The following BNC2 variants were observed in gnomAD, a reference collection of about 807,000 sequenced individuals.
BNC2 encodes the protein zinc finger protein basonuclin-2.
In BNC2, 20 loss-of-function variants were observed where a neutral mutation model predicts 76.3. That is an observed-to-expected ratio of 0.26 (90% CI 0.18 to 0.38). BNC2 has a LOEUF of 0.38. BNC2 is among the 10% of genes least tolerant of loss of function. The probability of loss-of-function intolerance (pLI) is 1.00; values close to 1 mark genes in which losing one functional copy is unlikely to be tolerated. For synonymous variants in BNC2, 582 were observed against 514.8 expected, an observed-to-expected ratio of 1.13 and a Z score of -1.77; for missense variants, 1,382 against 1,399.8, an observed-to-expected ratio of 0.99 and a Z score of 0.20.
intron 5 of BNC2, among the ~76,000 whole-genome samples, chr9:16,492,330 T>G (rs1380908038): frequency 1.3e-5 from 2 of 152,156 alleles, no homozygotes; most frequent in Non-Finnish European, 2.9e-5. Context: ...ATGTAAGAAG[T>G]CAGAACTTTA....
At position 16,436,587 on chromosome 9, in the gene BNC2, C is replaced by G. The variant is rs376354558; in HGVS notation, c.1607G>C (p.Arg536Pro). The change falls in exon 6 of 7, where the codon CGA becomes CCA. Residue 536 changes from arginine (R) to proline (P), a missense_variant. Coordinates refer to ENST00000380672, the MANE Select transcript of BNC2 (RefSeq NM_017637.6). ...GGGAGTGGTAAAACCCATTGGGGGTCGGCCAGGGCTTGTGAGTGCCAGATT... is the reference window on the plus strand; with the variant it reads ...GGGAGTGGTAAAACCCATTGGGGGTGGGCCAGGGCTTGTGAGTGCCAGATT... ...KSNLALTSPG[R>P]PPMGFTTPPL... is the part of the protein sequence containing the mutation. The G allele has an allele frequency of 1.9e-6, 3 of 1,613,960 alleles. No homozygotes were observed. Among genetic ancestry groups the G allele is most frequent in the East Asian group, 2.2e-5 (1 of 44,860 alleles).
At chr9:16,804,439 G>C (rs1177083470) in intron 1 of BNC2, among the ~76,000 whole-genome samples, 1 of 152,194 alleles carries the variant, frequency 6.6e-6, no homozygotes, top group African/African-American at 2.4e-5. Flanking sequence ...CACTGTCTTA[G>C]TATGCTATAC....
intron 3 of BNC2, among the ~76,000 whole-genome samples, chr9:16,669,025 T>C (rs1315206290): frequency 6.6e-6 from 1 of 152,084 alleles, no homozygotes; most frequent in Non-Finnish European, 1.5e-5. Flanking sequence ...GATTTTCATA[T>C]GAAAAAAATT....
At chr9:16,654,882 T>C (rs916098898) in intron 3 of BNC2, among the ~76,000 whole-genome samples, 1 of 151,944 alleles carries the variant, frequency 6.6e-6, no homozygotes, top group Non-Finnish European at 1.5e-5. Flanking sequence ...ATCATGGAGG[T>C]CTTGCACAAG....
At chr9:16,768,726 T>A (rs73646243) in intron 1 of BNC2, among the ~76,000 whole-genome samples, 3,630 of 152,184 alleles carry the variant, frequency 0.024, 136 homozygotes, top group African/African-American at 0.083. Context: ...TTAGTCTAAT[T>A]GGAGAAACAG....
In BNC2 at chr9:16,725,995, C is replaced by CACAT. The variant is rs1257360848; in HGVS notation, c.330+1801_330+1802insATGT. Among the ~76,000 whole-genome samples the CACAT allele has an allele frequency of 1.4e-3, 192 of 140,540 alleles. 2 individuals carry two copies. The highest frequency in any genetic ancestry group is 2.0e-3 in the Non-Finnish European group (131 of 65,038). 92.2% of individuals were successfully genotyped at this position (140,540 alleles called of 152,430 possible). On this transcript the variant is annotated intron_variant, in intron 3 of 6. Transcript: ENST00000380672. ...CCAATCTTCCCTTCTAACACACACA[C>CACAT]ACACACGCACACACACACACACGAC...
chr9:16,723,880 G>A (rs1237627897), intron 3 of BNC2, among the ~76,000 whole-genome samples: 1 of 152,000 alleles, frequency 6.6e-6, no homozygotes, highest in Admixed American at 6.6e-5. Flanking sequence ...ATAGAAAAAT[G>A]TCACTACTAA....
chr9:16,827,694 T>A (rs1818486041), intron 1 of BNC2, among the ~76,000 whole-genome samples: 3 of 152,154 alleles, frequency 2.0e-5, no homozygotes, highest in Non-Finnish European at 2.9e-5. Flanking sequence ...GATTAAGAGA[T>A]TCTATGTGCA....
At chr9:16,690,333 C>T (rs1473840998) in intron 3 of BNC2, among the ~76,000 whole-genome samples, 1 of 152,060 alleles carries the variant, frequency 6.6e-6, no homozygotes, top group African/African-American at 2.4e-5. Context: ...GAAAAATTAG[C>T]TGGGTGTGGT....
intron 1 of BNC2, among the ~76,000 whole-genome samples, chr9:16,841,377 C>T (rs1818821272): frequency 6.6e-6 from 1 of 152,188 alleles, no homozygotes; most frequent in African/African-American, 2.4e-5. Context: ...CTTTCTATAC[C>T]TACACTGCCT....
chr9:16,756,449 T>C (rs956332799), intron 1 of BNC2, among the ~76,000 whole-genome samples: 4 of 152,144 alleles, frequency 2.6e-5, no homozygotes, highest in African/African-American at 9.7e-5. Context: ...ACAGCTGAAA[T>C]AGCCTCCTAC....
chr9:16,562,613 G>C (rs1478869738), intron 4 of BNC2, among the ~76,000 whole-genome samples: 1 of 152,056 alleles, frequency 6.6e-6, no homozygotes, highest in Non-Finnish European at 1.5e-5. Context: ...AAAATTAACA[G>C]AATAAATTAT....
At chr9:16,439,106 T>C (rs1166950044) in intron 5 of BNC2, among the ~76,000 whole-genome samples, 2 of 152,182 alleles carry the variant, frequency 1.3e-5, no homozygotes, top group Admixed American at 6.5e-5. Context: ...CCATGTAAGA[T>C]GTGACTTTGC....
intron 1 of BNC2, among the ~76,000 whole-genome samples, chr9:16,851,335 T>C (rs1819122311): frequency 6.7e-6 from 1 of 150,032 alleles, no homozygotes; most frequent in Non-Finnish European, 1.5e-5. Context: ...TAGTGAGACC[T>C]TGTCTCTACA....
At chr9:16,606,529 CT>C (rs531847603) in intron 3 of BNC2, among the ~76,000 whole-genome samples, 14,424 of 145,140 alleles carry the variant, frequency 0.099, 973 homozygotes, top group African/African-American at 0.2. Context: ...GATCTGATAG[CT>C]TTTTTTTTTT....
chr9:16,577,018 G>A (rs758856626), intron 4 of BNC2, among the ~76,000 whole-genome samples: 38 of 152,280 alleles, frequency 2.5e-4, no homozygotes, highest in Non-Finnish European at 4.3e-4. Context: ...TTACAGGCGT[G>A]AGCCACCGCG....
intron 5 of BNC2, among the ~76,000 whole-genome samples, chr9:16,447,057 G>A (rs985738131): frequency 9.2e-5 from 14 of 152,142 alleles, no homozygotes; most frequent in African/African-American, 2.6e-4. Flanking sequence ...AAGTTACCTC[G>A]CTGCATTGTA....
intron 1 of BNC2, among the ~76,000 whole-genome samples, chr9:16,798,790 C>G (rs900137061): frequency 6.6e-6 from 1 of 152,070 alleles, no homozygotes; most frequent in Non-Finnish European, 1.5e-5. Flanking sequence ...ACTGAATGGG[C>G]AATATAAATA....
chr9:16,574,376 T>C (rs900833623), intron 4 of BNC2, among the ~76,000 whole-genome samples: 4 of 152,206 alleles, frequency 2.6e-5, no homozygotes, highest in African/African-American at 9.6e-5. Flanking sequence ...CACCTACTTA[T>C]AGCTTTTGGA....
Sources: allele counts gnomAD v4.1 joint callset (sites outside exome capture counted in the v4.1 genomes callset), GRCh38; gene constraint gnomAD v4.1.1; transcripts MANE v1.5; gene names NCBI Gene and HGNC (gene_info 2026-07-23, HGNC 2026-07-21).